Variants in RBFOX1 observed in about 807,000 individuals in gnomAD.
The protein encoded by RBFOX1 is RNA binding protein fox-1 homolog 1.
In RBFOX1, 8 loss-of-function variants were observed where a neutral mutation model predicts 57.7. That is an observed-to-expected ratio of 0.14 (90% confidence interval 0.08 to 0.25). The LOEUF (loss-of-function observed/expected upper bound fraction) is 0.25. RBFOX1 is among the 10% of genes least tolerant of loss of function. RBFOX1 has a pLI of 1.00. For synonymous variants in RBFOX1, 326 were observed against 222.4 expected (o/e 1.47, Z -4.15); for missense variants, 611 against 548.5 (o/e 1.11, Z -1.14).
At chr16:7,399,097 A>C (rs776986260) in intron 4 of RBFOX1, among the ~76,000 whole-genome samples, 14 of 152,340 alleles carry the variant, frequency 9.2e-5, no homozygotes, top group Non-Finnish European at 1.8e-4. Flanking sequence ...ATACTCATGT[A>C]ACAAAGCTGC....
intron 2 of RBFOX1, among the ~76,000 whole-genome samples, chr16:6,615,528 C>T (rs563016792): frequency 1.6e-4 from 24 of 151,702 alleles, no homozygotes; most frequent in Admixed American, 4.6e-4. Flanking sequence ...CAAGATCGCA[C>T]CACATCTCTC....
chr16:5,273,923 G>A (rs1277515051), intron 1 of RBFOX1, among the ~76,000 whole-genome samples: 1 of 152,158 alleles, frequency 6.6e-6, no homozygotes, highest in Non-Finnish European at 1.5e-5. Flanking sequence ...TTCCCCACCT[G>A]CCAGGTATCC....
At chr16:7,365,378 C>A (rs1028162611) in intron 4 of RBFOX1, among the ~76,000 whole-genome samples, 2 of 152,156 alleles carry the variant, frequency 1.3e-5, no homozygotes, top group African/African-American at 4.8e-5. Flanking sequence ...AGTCCATCCA[C>A]CAAACCATAG....
intron 2 of RBFOX1, among the ~76,000 whole-genome samples, chr16:5,499,355 CTCTCTG>C (rs1555450814): frequency 6.6e-6 from 1 of 152,166 alleles, no homozygotes; most frequent in Non-Finnish European, 1.5e-5. Context: ...TGGTAGAACT[CTCTCTG>C]TCCAGGTCTC....
intron 3 of RBFOX1, among the ~76,000 whole-genome samples, chr16:6,752,378 A>G (rs1322384690): frequency 6.6e-6 from 1 of 152,180 alleles, no homozygotes; most frequent in Non-Finnish European, 1.5e-5. Flanking sequence ...CCATATGAGT[A>G]AAGTAGAGAG....
In RBFOX1 at chr16:5,304,125, G is replaced by C. The variant is rs375436018; in HGVS notation, c.219+64020G>C. 7.2e-5 allele frequency among the ~76,000 whole-genome samples: 11 copies of C among 152,316 alleles called. No homozygotes were observed. In the East Asian group the frequency reaches 1.9e-3, roughly 27 times the overall value. On this transcript the variant is annotated intron_variant, in intron 1 of 2. Coordinates refer to the RBFOX1 transcript ENST00000585867. Reference sequence around the variant, plus strand: ...TAAGTGACACAGCATAATGCTGGCAGATTATTCATATATCAGCCCTTAGGC... The same window carrying C: ...TAAGTGACACAGCATAATGCTGGCACATTATTCATATATCAGCCCTTAGGC...
chr16:6,490,741 G>A (rs2095613834), intron 2 of RBFOX1, among the ~76,000 whole-genome samples: 2 of 152,120 alleles, frequency 1.3e-5, no homozygotes, highest in South Asian at 4.2e-4. Flanking sequence ...CCTCCTCCCA[G>A]CCTGGAGACA....
intron 3 of RBFOX1, among the ~76,000 whole-genome samples, chr16:5,828,423 A>T (rs2056149284): frequency 6.6e-6 from 1 of 152,128 alleles, no homozygotes; most frequent in South Asian, 2.1e-4. Context: ...AAAAAAATGC[A>T]ACCACCGGGC....
chr16:5,371,041 G>T (rs1182996015), intron 1 of RBFOX1, among the ~76,000 whole-genome samples: 1 of 152,164 alleles, frequency 6.6e-6, no homozygotes, highest in African/African-American at 2.4e-5. Flanking sequence ...TCTGCCTCCC[G>T]GGTTCAGGCG....
At chr16:6,433,942 G>A (rs1288169078) in intron 2 of RBFOX1, among the ~76,000 whole-genome samples, 2 of 150,734 alleles carry the variant, frequency 1.3e-5, no homozygotes, top group African/African-American at 4.9e-5. Flanking sequence ...CCACCTCCCG[G>A]GTTCAAGCAA....
At chr16:7,680,576 T>C (rs899507308) in intron 14 of RBFOX1, among the ~76,000 whole-genome samples, 2 of 152,126 alleles carry the variant, frequency 1.3e-5, no homozygotes, top group Admixed American at 6.6e-5. Flanking sequence ...TTCTTCCACA[T>C]AAAACATGCA....
intron 3 of RBFOX1, among the ~76,000 whole-genome samples, chr16:6,783,872 C>T (rs1310606731): frequency 1.3e-5 from 2 of 152,074 alleles, no homozygotes; most frequent in Non-Finnish European, 2.9e-5. Context: ...CTGAGAAAGT[C>T]TTTACTTCTC....
At chr16:6,591,930 C>T (rs932487446) in intron 2 of RBFOX1, among the ~76,000 whole-genome samples, 3 of 152,172 alleles carry the variant, frequency 2.0e-5, no homozygotes, top group African/African-American at 7.2e-5. Context: ...GAACTGGCTT[C>T]ACAGAAGACA....
chr16:6,172,502 A>C (rs185582145), intron 1 of RBFOX1, among the ~76,000 whole-genome samples: 3 of 152,238 alleles, frequency 2.0e-5, no homozygotes, highest in African/African-American at 7.2e-5. Context: ...GGCCCCCTGT[A>C]GTGCCCCTCA....
At chr16:5,548,175 ATATAT>A (rs374644622) in intron 2 of RBFOX1, among the ~76,000 whole-genome samples, 47 of 28,258 alleles carry the variant, frequency 1.7e-3, no homozygotes, top group African/African-American at 3.7e-3. Context: ...AAAAAAAAAA[ATATAT>A]ATATATATAT....
chr16:6,333,956 C>G (rs1456853186), intron 2 of RBFOX1, among the ~76,000 whole-genome samples: 1 of 152,026 alleles, frequency 6.6e-6, no homozygotes, highest in African/African-American at 2.4e-5. Context: ...GGCCAAAGAA[C>G]AATTAAAGTG....
intron 1 of RBFOX1, among the ~76,000 whole-genome samples, chr16:6,124,131 C>T (rs2096571644): frequency 6.6e-6 from 1 of 152,108 alleles, no homozygotes; most frequent in African/African-American, 2.4e-5. Context: ...TTGCACCACA[C>T]AGTTTGTATT....
chr16:5,451,373 C>A (rs2068421710), intron 1 of RBFOX1, among the ~76,000 whole-genome samples: 1 of 152,164 alleles, frequency 6.6e-6, no homozygotes, highest in Non-Finnish European at 1.5e-5. Flanking sequence ...AATAATGAAA[C>A]ATCGATTCTC....
intron 14 of RBFOX1, among the ~76,000 whole-genome samples, chr16:7,704,268 G>A (rs2081699180): frequency 6.6e-6 from 1 of 152,182 alleles, no homozygotes; most frequent in African/African-American, 2.4e-5. Flanking sequence ...TGCAAGCCAT[G>A]GTGAATTAGC....
Sources: allele counts gnomAD v4.1 joint callset (sites outside exome capture counted in the v4.1 genomes callset), GRCh38; gene constraint gnomAD v4.1.1; transcripts MANE v1.5; gene names NCBI Gene and HGNC (gene_info 2026-07-23, HGNC 2026-07-21).